The following LAMC2 variants were observed in gnomAD, a reference collection of about 807,000 sequenced individuals.
LAMC2 encodes laminin subunit gamma-2.
LAMC2 carries 97 observed loss-of-function variants against 140.2 expected under a neutral mutation model. The ratio of observed to expected loss-of-function variants is 0.69; its 90% confidence interval spans 0.59 to 0.82. The LOEUF (loss-of-function observed/expected upper bound fraction) is 0.82, where lower values mean the gene tolerates loss of function less well. Among genes scored for constraint, LAMC2 ranks in the 40% least tolerant of loss-of-function variants. The pLI is 0.00. For synonymous variants in LAMC2, 513 were observed against 540.2 expected (o/e 0.95, Z 0.70); for missense variants, 1,402 against 1,476.1 (o/e 0.95, Z 0.82).
chr1:183,234,248 T>C (rs1407904599), intron 14 of LAMC2, 119 bp from the exon 15 acceptor site: 1 of 749,596 alleles, frequency 1.3e-6, no homozygotes, highest in African/African-American at 1.7e-5. Context: ...TGTCAGGGTG[T>C]GGAACCCTGT....
chr1:183,215,479 T>C lies in LAMC2; in HGVS notation c.295T>C (p.Ser99Pro), dbSNP rs1659222717. 3.1e-6 allele frequency: 5 copies of C among 1,614,162 alleles called. No individual in the cohort carries two copies. Among genetic ancestry groups the C allele is most frequent in the East Asian group, 4.5e-5 (2 of 44,888 alleles). Residue 99 changes from serine to proline, a missense_variant, in exon 3 of 23, where the codon TCC becomes CCC. Ser to Pro is a moderately conservative substitution (Grantham distance 74). This residue lies in a region of LAMC2 where 723 missense variants were observed against 783.3 expected (regional missense o/e 0.92). Coordinates refer to ENST00000264144, the MANE Select transcript of LAMC2 (RefSeq NM_005562.3). ...TTCTCTTAGTGCTCGATGTGACAAC[T>C]CCGGACGGTGCAGCTGTAAACCAGG... ...KGSLSARCDN[S>P]GRCSCKPGVT...
At chr1:183,213,104 C>A (rs1659121846) in intron 2 of LAMC2, among the ~76,000 whole-genome samples, 1 of 152,236 alleles carries the variant, frequency 6.6e-6, no homozygotes, top group Non-Finnish European at 1.5e-5. Context: ...CCTGCCTAAA[C>A]CTCTGAGAGT....
chr1:183,217,618 A>C (rs1051782170), intron 3 of LAMC2, among the ~76,000 whole-genome samples: 1 of 152,252 alleles, frequency 6.6e-6, no homozygotes, highest in Non-Finnish European at 1.5e-5. Context: ...CATCATGCTA[A>C]GTGAAAGAAG....
intron 5 of LAMC2, among the ~76,000 whole-genome samples, chr1:183,221,314 G>A (rs557892721): frequency 6.6e-6 from 1 of 152,292 alleles, no homozygotes; most frequent in East Asian, 1.9e-4. Context: ...CACTAATAAT[G>A]CTGTTTTCAC....
Position 183,226,833 on chromosome 1 carries a change from A to G in LAMC2, c.1202A>G (p.Lys401Arg), listed in dbSNP as rs1274168241. 22 of 1,614,096 alleles carry G rather than the reference A, an allele frequency of 1.4e-5. No individual in the cohort carries two copies. The highest frequency in any genetic ancestry group is 3.3e-4 in the Middle Eastern group (2 of 6,084). The stretch of plus-strand genomic sequence containing the variant: ...TGCCAGGATTGTGCTTCTGGCTACA[A>G]GAGAGATTCAGCGAGACTGGGGCCT... Reference protein sequence around the residue: ...QFCQDCASGYKRDSARLGPFG... With the variant: ...QFCQDCASGYRRDSARLGPFG... The change falls in exon 9 of 23, where the codon AAG (lysine) becomes AGG (arginine). Residue 401 changes from lysine to arginine, a missense_variant. By Grantham distance (26) the Lys-to-Arg change is conservative. Coordinates refer to ENST00000264144, the MANE Select transcript of LAMC2 (RefSeq NM_005562.3).
chr1:183,224,571 A>G (rs1261335352), intron 7 of LAMC2, among the ~76,000 whole-genome samples: 3 of 152,152 alleles, frequency 2.0e-5, no homozygotes, highest in Non-Finnish European at 4.4e-5. Flanking sequence ...GAGAGTGGTT[A>G]GGTGCCTAAC....
In LAMC2 at chr1:183,199,538, A is replaced by G. The variant is rs189955879; in HGVS notation, c.80-8343A>G. 8.9e-3 allele frequency among the ~76,000 whole-genome samples: 1,327 copies of G among 149,076 alleles called. 29 individuals are homozygous for G. The highest frequency in any genetic ancestry group is 0.031 in the African/African-American group (1,259 of 40,322). On this transcript the variant is annotated intron_variant, in intron 1 of 22. Transcript: ENST00000264144. Reference sequence around the variant, plus strand: ...TCTCTCTCCTTCTATCCATCATGCTATCCACCATCTTTCCATCCATCCATC... The same window carrying G: ...TCTCTCTCCTTCTATCCATCATGCTGTCCACCATCTTTCCATCCATCCATC...
rs1227572266 is a variant in LAMC2 at position 183,240,337 on chromosome 1, G to A, written c.3274G>A (p.Gly1092Arg). 1.2e-6 allele frequency: 2 copies of A among 1,614,066 alleles called. No individual in the cohort carries two copies. The highest frequency in any genetic ancestry group is 1.3e-5 in the African/African-American group (1 of 74,912). Reference protein sequence around the residue: ...QKVDTRAKNAGVTIQDTLNTL... With the variant: ...QKVDTRAKNARVTIQDTLNTL... ...GGTTGATACCAGAGCCAAGAACGCT[G>A]GGGTTACAATCCAAGACACACTCAA... Residue 1092 changes from glycine to arginine, a missense_variant, in exon 22 of 23, where the codon GGG (glycine) becomes AGG (arginine). Physicochemically the swap from Gly to Arg is moderately radical, Grantham distance 125. Coordinates refer to ENST00000264144, the MANE Select transcript of LAMC2 (RefSeq NM_005562.3).
In LAMC2 at chr1:183,227,511, C is replaced by T. The variant is rs944567230; in HGVS notation, c.1286-4C>T. On this transcript the variant is annotated splice_polypyrimidine_tract_variant and splice_region_variant and intron_variant, in intron 9 of 22. Transcript: ENST00000264144. Reference sequence around the variant, plus strand: ...CTGCCCCTCCACTCTTCTCCTACCCCCAGGAGATTGTTATTCAGGGGATGA... The same window carrying T: ...CTGCCCCTCCACTCTTCTCCTACCCTCAGGAGATTGTTATTCAGGGGATGA... 29 of 1,613,238 alleles carry T rather than the reference C, an allele frequency of 1.8e-5. No homozygotes were observed. The highest frequency in any genetic ancestry group is 2.5e-5 in the Non-Finnish European group (29 of 1,179,234).
intron 20 of LAMC2, chr1:183,239,831 T>C (rs1035859036): frequency 1.1e-5 from 7 of 666,158 alleles, no homozygotes; most frequent in Non-Finnish European, 1.8e-5. Context: ...GTCTGGCCGC[T>C]GACCTTCCTA....
At chr1:183,235,229 G>GTGAAA (rs1659916454) in intron 15 of LAMC2, among the ~76,000 whole-genome samples, 1 of 152,142 alleles carries the variant, frequency 6.6e-6, no homozygotes, top group Non-Finnish European at 1.5e-5. Context: ...TGGATCCTGG[G>GTGAAA]TGAAATAAGA....
At chr1:183,225,815 T>G (rs1450736568) in intron 8 of LAMC2, 95 bp downstream of exon 8, 5 of 796,524 alleles carry the variant, frequency 6.3e-6, no homozygotes, top group Non-Finnish European at 1.1e-5. Context: ...AACAAGTAGA[T>G]AAGTTACTTG....
At chr1:183,234,583 A>G in intron 15 of LAMC2, 137 bp downstream of exon 15, 2 of 759,482 alleles carry the variant, frequency 2.6e-6, no homozygotes, top group South Asian at 3.0e-5. Context: ...CTACCTTGAA[A>G]CCAGTTTTTA....
chr1:183,245,559 A>G (rs2102260879), downstream of LAMC2, among the ~76,000 whole-genome samples: 1 of 152,330 alleles, frequency 6.6e-6, no homozygotes, highest in Middle Eastern at 3.4e-3. Flanking sequence ...TGATGGAAAG[A>G]GAAAAGAACA....
the LAMC2 span, chr1:183,252,434 C>A: frequency 3.4e-5 from 12 of 347,936 alleles, no homozygotes; most frequent in South Asian, 4.5e-5. Flanking sequence ...CCACCCCCAA[C>A]CCGGAGACTA....
chr1:183,251,315 C>G, the LAMC2 span: 2 of 151,262 alleles, frequency 1.3e-5, no homozygotes, highest in South Asian at 2.1e-4. Flanking sequence ...AGAAACTGAC[C>G]TCATGCACTG....
At chr1:183,206,331 C>T (rs1374629643) in intron 1 of LAMC2, among the ~76,000 whole-genome samples, 1 of 152,172 alleles carries the variant, frequency 6.6e-6, no homozygotes, top group Non-Finnish European at 1.5e-5. Flanking sequence ...AAGGCAGTCA[C>T]TTAGCAGGTC....
chr1:183,240,626 G>T, intron 22 of LAMC2: 1 of 1,415,840 alleles, frequency 7.1e-7, no homozygotes, highest in Non-Finnish European at 9.2e-7. Context: ...GGGGGTAAAG[G>T]TCTGTGGGCC....
downstream of LAMC2, chr1:183,249,732 T>TGTGTGTGTGTG (rs59813106): frequency 1.7e-5 from 2 of 114,898 alleles, no homozygotes; most frequent in South Asian, 3.0e-4. Context: ...TGTGTGTGTG[T>TGTGTGTGTGTG]TTGGGGGGTA....
Sources: allele counts gnomAD v4.1 joint callset (sites outside exome capture counted in the v4.1 genomes callset), GRCh38; gene constraint gnomAD v4.1.1; regional missense constraint gnomAD v4.1.1; transcripts MANE v1.5; gene names NCBI Gene and HGNC (gene_info 2026-07-23, HGNC 2026-07-21).